Variants in TOP1 observed in about 807,000 individuals in gnomAD.
TOP1 encodes DNA topoisomerase 1.
Under a neutral mutation model 111.1 loss-of-function variants are expected in TOP1, and 10 were observed. The ratio of observed to expected loss-of-function variants is 0.09; its 90% CI spans 0.06 to 0.15. The LOEUF (loss-of-function observed/expected upper bound fraction) is 0.15. Among genes scored for constraint, TOP1 ranks in the 10% least tolerant of loss-of-function variants. The probability of loss-of-function intolerance (pLI) is 1.00; values close to 1 mark genes in which losing one functional copy is unlikely to be tolerated. For missense variants in TOP1, 474 were observed against 926.7 expected (o/e 0.51, Z 6.34); for synonymous variants, 271 against 302.9 (o/e 0.89, Z 1.10).
Position 41,117,380 on chromosome 20 carries a change from A to ATTTTTTT in TOP1, c.1823-770_1823-764dup, listed in dbSNP as rs1192075214. 2.3e-4 allele frequency among the ~76,000 whole-genome samples: 20 copies of ATTTTTTT among 85,528 alleles called. 1 individual carries two copies. Among genetic ancestry groups the ATTTTTTT allele is most frequent in the South Asian group, 4.3e-4 (1 of 2,316 alleles). The allele number at this position is 85,528 out of a possible 152,430, so 56.1% of individuals were successfully genotyped here. On this transcript the variant is annotated intron_variant, in intron 17 of 20. Coordinates refer to ENST00000361337, the MANE Select transcript of TOP1 (RefSeq NM_003286.4). ...TAATAATACTACCAACTGTGGCTTA[A>ATTTTTTT]TTTTTTTTTTTTTTTTTTTTTTTTT...
intron 2 of TOP1, among the ~76,000 whole-genome samples, chr20:41,060,360 A>G (rs927850070): frequency 6.6e-6 from 1 of 152,256 alleles, no homozygotes; most frequent in Non-Finnish European, 1.5e-5. Flanking sequence ...AATGTGGATG[A>G]ATGTCACAAA....
intron 3 of TOP1, among the ~76,000 whole-genome samples, chr20:41,070,884 A>G (rs1388712688): frequency 6.6e-6 from 1 of 152,198 alleles, no homozygotes; most frequent in African/African-American, 2.4e-5. Flanking sequence ...CTTTAGAGGT[A>G]GTTCCTTGGG....
chr20:41,113,729 A>AAT (rs2034281685), intron 14 of TOP1, among the ~76,000 whole-genome samples: 2 of 151,062 alleles, frequency 1.3e-5, no homozygotes, highest in African/African-American at 2.4e-5. Flanking sequence ...AAAAAAAAAA[A>AAT]AAATAAAAAT....
intron 3 of TOP1, among the ~76,000 whole-genome samples, chr20:41,064,402 CCA>C (rs577769501): frequency 5.3e-5 from 8 of 152,282 alleles, no homozygotes; most frequent in African/African-American, 1.9e-4. Context: ...TCTCCTTAAA[CCA>C]TCTTCTTTGG....
In TOP1 at chr20:41,116,461, G is replaced by A; in HGVS notation, c.1822+69G>A. The A allele has an allele frequency of 8.0e-7, 1 of 1,254,982 alleles. No individual in the cohort carries two copies. The highest frequency in any genetic ancestry group is 1.2e-6 in the Non-Finnish European group (1 of 863,710). 77.7% of individuals were successfully genotyped at this position (1,254,982 alleles called of 1,614,324 possible). On this transcript the variant is annotated intron_variant, in intron 17 of 20. Transcript: ENST00000361337. The surrounding 1 kb of genome is among the most constrained non-coding windows in gnomAD (Gnocchi z 5.6). ...GTATCCGGTGACCTTGCTTATCTAA[G>A]GCCTAGAGTCAGTTCTACTTTTTTT...
intron 2 of TOP1, among the ~76,000 whole-genome samples, chr20:41,059,969 A>G (rs2033525212): frequency 6.6e-6 from 1 of 152,220 alleles, no homozygotes; most frequent in Non-Finnish European, 1.5e-5. Context: ...ATGTGAATTG[A>G]AACCACAGTG....
At chr20:41,049,100 G>C (rs1346895720) in intron 2 of TOP1, among the ~76,000 whole-genome samples, 1 of 152,222 alleles carries the variant, frequency 6.6e-6, no homozygotes, top group Non-Finnish European at 1.5e-5. Context: ...GTGTGTGTCA[G>C]TTTGAGGCGT....
chr20:41,114,069 T>G lies in TOP1; in HGVS notation c.1552T>G (p.Leu518Val), dbSNP rs1397735728. Residue 518 changes from leucine to valine, a missense_variant, in exon 15 of 21, where the codon TTG becomes GTG. By Grantham distance (32) the Leu-to-Val change is conservative (BLOSUM62 1). Coordinates refer to ENST00000361337, the MANE Select transcript of TOP1 (RefSeq NM_003286.4). The surrounding 1 kb of genome is among the most constrained non-coding windows in gnomAD (Gnocchi z 4.5). Reference sequence around the variant, plus strand: ...GGAGCACATCAATCTACACCCAGAGTTGGATGGTCAGGAATATGTGGTAGA... The same window carrying G: ...GGAGCACATCAATCTACACCCAGAGGTGGATGGTCAGGAATATGTGGTAGA... ...RVEHINLHPE[L>V]DGQEYVVEFD... 3 of 1,613,998 alleles carry G rather than the reference T, an allele frequency of 1.9e-6. No individual in the cohort carries two copies. Among genetic ancestry groups the G allele is most frequent in the Non-Finnish European group, 2.5e-6 (3 of 1,179,952 alleles).
intron 2 of TOP1, among the ~76,000 whole-genome samples, chr20:41,038,147 C>G (rs188989724): frequency 1.3e-5 from 2 of 152,274 alleles, no homozygotes; most frequent in Non-Finnish European, 2.9e-5. Flanking sequence ...ATACAGAATG[C>G]GAATAGTCTC....
intron 3 of TOP1, among the ~76,000 whole-genome samples, chr20:41,072,064 A>G (rs942824859): frequency 4.6e-5 from 7 of 152,222 alleles, no homozygotes; most frequent in East Asian, 1.9e-4. Flanking sequence ...AGAAGACAAA[A>G]TGGGGAGACA....
At chr20:41,091,373 T>C (rs1427652488) in intron 8 of TOP1, among the ~76,000 whole-genome samples, 1 of 152,130 alleles carries the variant, frequency 6.6e-6, no homozygotes, top group Non-Finnish European at 1.5e-5. Flanking sequence ...TAATATGGAC[T>C]GGGAATTAGA....
rs1247358160 is a variant in TOP1 at position 41,079,121 on chromosome 20, A to G, written c.336-964A>G. ...TCTTTAAACATTCAAATTCTATCAC[A>G]AGCAAGGGGACCCAGTATGCTTTTT... On this transcript the variant is annotated intron_variant, in intron 5 of 20. Coordinates refer to ENST00000361337, the MANE Select transcript of TOP1 (RefSeq NM_003286.4). This position sits in a 1 kb window ranked among gnomAD's most constrained non-coding sequence, Gnocchi z 4.0. Among the ~76,000 whole-genome samples, 1 of 152,190 alleles carries G rather than the reference A, an allele frequency of 6.6e-6. No homozygotes were observed. Among genetic ancestry groups the G allele is most frequent in the Admixed American group, 6.5e-5 (1 of 15,282 alleles).
rs1310300221 is a variant in TOP1, at chr20:41,078,572, A to G, written c.335+935A>G. Among the ~76,000 whole-genome samples the G allele has an allele frequency of 6.6e-6, 1 of 152,230 alleles. No individual in the cohort carries two copies. ...AATTGTTCTAGGAATGCAGAATAATACAATTCAGGAAGCATTAGAGCTGCA... is the reference window on the plus strand; with the variant it reads ...AATTGTTCTAGGAATGCAGAATAATGCAATTCAGGAAGCATTAGAGCTGCA... On this transcript the variant is annotated intron_variant, in intron 5 of 20. Coordinates refer to ENST00000361337, the MANE Select transcript of TOP1 (RefSeq NM_003286.4). The surrounding 1 kb of genome is among the most constrained non-coding windows in gnomAD (Gnocchi z 5.3).
chr20:41,104,746 C>T (rs2034119120), intron 13 of TOP1, among the ~76,000 whole-genome samples: 1 of 152,080 alleles, frequency 6.6e-6, no homozygotes, highest in Admixed American at 6.6e-5. Context: ...AAAGTGGTGC[C>T]ATTAGGAGAA....
At position 41,029,149 on chromosome 20, in the gene TOP1, C is replaced by G. The variant is rs1218674529; in HGVS notation, c.33+49C>G. On this transcript the variant is annotated intron_variant, in intron 1 of 20. Transcript: ENST00000361337. This position sits in a 1 kb window ranked among gnomAD's most constrained non-coding sequence, Gnocchi z 6.1. ...GGCCCCGGACCCCGGCCTGGCCGTC[C>G]CGCGACCCCCGGCGCAGGCCCCGAC... 49 of 1,386,642 alleles carry G rather than the reference C, an allele frequency of 3.5e-5. No individual in the cohort carries two copies. The highest frequency in any genetic ancestry group is 4.6e-5 in the Non-Finnish European group (49 of 1,058,498). 85.9% of individuals were successfully genotyped at this position (1,386,642 alleles called of 1,614,324 possible).
In TOP1 at chr20:41,122,196, A is replaced by G; in HGVS notation, c.2195+41A>G. ...TCCTTGAGCTCCTGCTGCTAGCTTA[A>G]GAAAGGTGGAGGGGGTTCCGAGAGC... On this transcript the variant is annotated intron_variant, in intron 20 of 20. Coordinates refer to ENST00000361337, the MANE Select transcript of TOP1 (RefSeq NM_003286.4). This position sits in a 1 kb window ranked among gnomAD's most constrained non-coding sequence, Gnocchi z 5.4. 1 of 1,608,888 alleles carries G rather than the reference A, an allele frequency of 6.2e-7. No homozygotes were observed. The highest frequency in any genetic ancestry group is 1.3e-5 in the African/African-American group (1 of 74,886).
In TOP1 at chr20:41,097,347, G is replaced by A. The variant is rs376981602; in HGVS notation, c.852+6G>A. ...TCTTTAAAGACTGGAGAAAGGTACT[G>A]TAGCCCATGTGTTAATATCCTAGTA... On this transcript the variant is annotated splice_donor_region_variant and intron_variant, in intron 10 of 20. Transcript: ENST00000361337. This position sits in a 1 kb window ranked among gnomAD's most constrained non-coding sequence, Gnocchi z 4.2. 1.2e-6 allele frequency: 2 copies of A among 1,611,824 alleles called. No homozygotes were observed. Among genetic ancestry groups the A allele is most frequent in the Non-Finnish European group, 1.7e-6 (2 of 1,179,012 alleles).
rs2034261369 is a variant in TOP1 at position 41,112,658 on chromosome 20, T to C, written c.1309-124T>C. 1 of 1,028,576 alleles carries C rather than the reference T, an allele frequency of 9.7e-7. No homozygotes were observed. Among genetic ancestry groups the C allele is most frequent in the African/African-American group, 1.6e-5 (1 of 62,412 alleles). The allele number at this position is 1,028,576 out of a possible 1,614,324, so 63.7% of individuals were successfully genotyped here. A position where few individuals can be genotyped will look rare whatever the true frequency, so the allele number is the denominator to read the frequency against. On this transcript the variant is annotated intron_variant, in intron 13 of 20. Coordinates refer to ENST00000361337, the MANE Select transcript of TOP1 (RefSeq NM_003286.4). This position sits in a 1 kb window ranked among gnomAD's most constrained non-coding sequence, Gnocchi z 5.8. ...GCCTCCTGCGTTCAAGCAATTCTTG[T>C]GTCTTAGCCTCCCTATTAGCTAGCT...
chr20:41,047,885 A>G (rs2033352392), intron 2 of TOP1, among the ~76,000 whole-genome samples: 1 of 151,950 alleles, frequency 6.6e-6, no homozygotes, highest in Non-Finnish European at 1.5e-5. Context: ...TCTAAGCATG[A>G]CTCCACCCAT....
Sources: allele counts gnomAD v4.1 joint callset (sites outside exome capture counted in the v4.1 genomes callset), GRCh38; gene constraint gnomAD v4.1.1; non-coding constraint Gnocchi (gnomAD v3.1); transcripts MANE v1.5; gene names NCBI Gene and HGNC (gene_info 2026-07-23, HGNC 2026-07-21).